GRM3: variants seen among roughly 807,000 people sequenced by gnomAD.
The protein encoded by GRM3 is metabotropic glutamate receptor 3.
A neutral mutation model predicts 70.5 loss-of-function variants in GRM3; 26 were observed. The observed-to-expected ratio is 0.37, with a 90% confidence interval of 0.27 to 0.51. The LOEUF (loss-of-function observed/expected upper bound fraction) is 0.51. Ranked by LOEUF, GRM3 falls within the 20% of genes least tolerant of loss-of-function variation. The pLI is 0.93. For missense variants in GRM3, 859 were observed against 1,123.8 expected, an observed-to-expected ratio of 0.76 and a Z score of 3.37; for synonymous variants, 443 against 434.9, an observed-to-expected ratio of 1.02 and a Z score of -0.23.
intron 1 of GRM3, among the ~76,000 whole-genome samples, chr7:86,673,338 G>A (rs988483922): frequency 2.0e-5 from 3 of 152,058 alleles, no homozygotes; most frequent in East Asian, 1.9e-4. Context: ...AGTAACTATC[G>A]AGAATGATTC....
chr7:86,807,714 T>C (rs1039255968), intron 3 of GRM3, among the ~76,000 whole-genome samples: 7 of 152,146 alleles, frequency 4.6e-5, no homozygotes, highest in Admixed American at 3.9e-4. Context: ...GACTTCCTCT[T>C]TTCCTAATTG....
intron 1 of GRM3, among the ~76,000 whole-genome samples, chr7:86,646,279 T>G (rs1029742634): frequency 1.3e-5 from 2 of 152,214 alleles, no homozygotes; most frequent in Non-Finnish European, 2.9e-5. Context: ...TGGAAGCTAT[T>G]GTATGCCAGA....
At chr7:86,728,223 G>A (rs1260954530) in intron 1 of GRM3, among the ~76,000 whole-genome samples, 1 of 152,128 alleles carries the variant, frequency 6.6e-6, no homozygotes, top group Admixed American at 6.6e-5. Flanking sequence ...CAGGAGCCTA[G>A]ACTCTGCCCT....
intron 1 of GRM3, among the ~76,000 whole-genome samples, chr7:86,709,175 G>A (rs762529555): frequency 6.6e-5 from 10 of 151,946 alleles, no homozygotes; most frequent in Admixed American, 2.0e-4. Flanking sequence ...CTTTCAGACC[G>A]TGAGTTTTTA....
At chr7:86,709,977 A>G (rs1051665219) in intron 1 of GRM3, 1 of 152,100 alleles carries the variant, frequency 6.6e-6, no homozygotes, top group African/African-American at 2.4e-5. Context: ...TGAGGAACCA[A>G]TATGATGGCA....
intron 3 of GRM3, among the ~76,000 whole-genome samples, chr7:86,794,454 G>A (rs569336997): frequency 9.2e-4 from 140 of 152,292 alleles, no homozygotes; most frequent in African/African-American, 3.2e-3. Context: ...TCCTAAAGTT[G>A]AGTTTAGTAA....
chr7:86,696,500 A>G (rs1369593800), intron 1 of GRM3, among the ~76,000 whole-genome samples: 1 of 152,198 alleles, frequency 6.6e-6, no homozygotes, highest in African/African-American at 2.4e-5. Flanking sequence ...CCCTGGACTT[A>G]TTTCAGACTT....
intron 1 of GRM3, among the ~76,000 whole-genome samples, chr7:86,707,901 T>A (rs59307189): frequency 0.05 from 7,547 of 152,196 alleles, 586 homozygotes; most frequent in African/African-American, 0.17. Context: ...GAAAGCACTT[T>A]ACAAATAGTT....
intron 1 of GRM3, among the ~76,000 whole-genome samples, chr7:86,668,963 C>G (rs1794102841): frequency 6.6e-6 from 1 of 151,998 alleles, no homozygotes; most frequent in South Asian, 2.1e-4. Context: ...GGGTGAAAAG[C>G]CTGGATTAAG....
chr7:86,795,591 G>A (rs1797530458), intron 3 of GRM3, among the ~76,000 whole-genome samples: 1 of 152,048 alleles, frequency 6.6e-6, no homozygotes, highest in Non-Finnish European at 1.5e-5. Context: ...CCATGCAAAG[G>A]ACATGATCTC....
chr7:86,824,628 C>T (rs999758540), intron 3 of GRM3, among the ~76,000 whole-genome samples: 2 of 152,124 alleles, frequency 1.3e-5, no homozygotes, highest in African/African-American at 4.8e-5. Context: ...TTCATAATTA[C>T]ACACCTAGTT....
intron 2 of GRM3, among the ~76,000 whole-genome samples, chr7:86,779,351 A>G (rs1293058326): frequency 6.6e-6 from 1 of 152,174 alleles, no homozygotes; most frequent in Admixed American, 6.5e-5. Context: ...TTTATCAGTC[A>G]TATTTCAGAG....
chr7:86,852,773 C>T (rs1798777817), intron 5 of GRM3, among the ~76,000 whole-genome samples: 1 of 152,034 alleles, frequency 6.6e-6, no homozygotes, highest in Non-Finnish European at 1.5e-5. Flanking sequence ...TGCATTTTTA[C>T]TCTTTTATTC....
intron 1 of GRM3, among the ~76,000 whole-genome samples, chr7:86,692,977 T>C (rs1479504179): frequency 6.6e-6 from 1 of 152,146 alleles, no homozygotes; most frequent in African/African-American, 2.4e-5. Context: ...AGATCCGTCA[T>C]GAAATGGCAA....
intron 3 of GRM3, among the ~76,000 whole-genome samples, chr7:86,806,994 A>G (rs1797807171): frequency 7.4e-6 from 1 of 135,078 alleles, no homozygotes; most frequent in Admixed American, 7.3e-5. Flanking sequence ...ACCATTTATT[A>G]AATAGGAAAT....
chr7:86,856,884 C>G (rs1300460830), intron 5 of GRM3, among the ~76,000 whole-genome samples: 1 of 152,010 alleles, frequency 6.6e-6, no homozygotes, highest in African/African-American at 2.4e-5. Context: ...TAACAGTGAC[C>G]ACAAATATCA....
At chr7:86,689,045 T>C (rs1037128822) in intron 1 of GRM3, among the ~76,000 whole-genome samples, 5 of 150,354 alleles carry the variant, frequency 3.3e-5, no homozygotes, top group African/African-American at 9.7e-5. Context: ...TTCTGAGTCA[T>C]TGCCATTATC....
At chr7:86,665,119 A>G (rs1449537376) in intron 1 of GRM3, among the ~76,000 whole-genome samples, 1 of 152,104 alleles carries the variant, frequency 6.6e-6, no homozygotes, top group African/African-American at 2.4e-5. Flanking sequence ...TACCTGCTAC[A>G]TGAAGAAATC....
At chr7:86,738,344 G>T (rs1003319322) in intron 1 of GRM3, among the ~76,000 whole-genome samples, 1 of 152,102 alleles carries the variant, frequency 6.6e-6, no homozygotes, top group Admixed American at 6.6e-5. Context: ...AGAACAGAAT[G>T]GCATATTCAC....
Sources: gnomAD v4.1 joint callset for allele counts (sites outside exome capture counted in the v4.1 genomes callset) on GRCh38, gnomAD v4.1.1 for gene constraint, MANE v1.5 for transcripts, NCBI Gene and HGNC (gene_info 2026-07-23, HGNC 2026-07-21) for gene names.